Variants in CASK observed in about 807,000 individuals in gnomAD.
CASK encodes the protein calcium/calmodulin dependent serine protein kinase.
Under a neutral mutation model 82.9 loss-of-function variants are expected in CASK, and 4 were observed. That is an observed-to-expected ratio of 0.05 (90% CI 0.02 to 0.11). The LOEUF (loss-of-function observed/expected upper bound fraction) is 0.11. Among genes scored for constraint, CASK ranks in the 10% least tolerant of loss-of-function variants. The pLI is 1.00. For synonymous variants in CASK, 259 were observed against 253.5 expected (o/e 1.02, Z -0.20); for missense variants, 358 against 720.9 (o/e 0.50, Z 5.76).
chrX:41,696,816 C>G, intron 5 of CASK: 1 of 910,122 alleles, frequency 1.1e-6, no homozygotes, highest in Non-Finnish European at 1.5e-6. Context: ...AATGCAGCCT[C>G]TTAATTCTTT....
In CASK at chrX:41,923,098, G is replaced by A; in HGVS notation, c.-110C>T. 3 of 673,663 alleles carry A rather than the reference G, an allele frequency of 4.5e-6. No individual in the cohort carries two copies. Among genetic ancestry groups the A allele is most frequent in the Non-Finnish European group, 7.0e-6 (3 of 431,166 alleles). The allele number at this position is 673,663 out of a possible 1,213,427, so 55.5% of individuals were successfully genotyped here. A position where few individuals can be genotyped will look rare whatever the true frequency, so the allele number is the denominator to read the frequency against. On this transcript the variant is annotated 5_prime_UTR_variant, in exon 1 of 27. Coordinates refer to ENST00000378163, the MANE Select transcript of CASK (RefSeq NM_001367721.1). ...ATCGCCTCCTCCCCTCAGGACCCGCGAGCCCTCGGTGCCGAGGACGCTCGA... is the reference window on the plus strand; with the variant it reads ...ATCGCCTCCTCCCCTCAGGACCCGCAAGCCCTCGGTGCCGAGGACGCTCGA...
Position 41,518,411 on chromosome X carries a change from CTCTA to C in CASK, c.*2005_*2008del, listed in dbSNP as rs1335152701. 9.1e-6 allele frequency: 1 copy of C among 110,156 alleles called. No homozygotes were observed. The highest frequency in any genetic ancestry group is 1.9e-5 in the Non-Finnish European group (1 of 52,964). 9.1% of individuals were successfully genotyped at this position (110,156 alleles called of 1,213,427 possible). A position where few individuals can be genotyped will look rare whatever the true frequency, so the allele number is the denominator to read the frequency against. On this transcript the variant is annotated 3_prime_UTR_variant, in exon 27 of 27. Transcript: ENST00000378163. Reference sequence around the variant, plus strand: ...TACCCAACTCTTTGAAGGTTTCTCTCTCTATCTAGTGTGAGACCACTGTTGAGCT... The same window carrying C: ...TACCCAACTCTTTGAAGGTTTCTCTCTCTAGTGTGAGACCACTGTTGAGCT...
At chrX:41,558,950 C>A (rs2065192073) in intron 18 of CASK, 1 of 111,761 alleles carries the variant, frequency 8.9e-6, no homozygotes, top group African/African-American at 3.2e-5. Context: ...GAAGTGTGTA[C>A]TTCATATTGA....
chrX:41,904,207 C>A (rs1327159579), intron 1 of CASK, among the ~76,000 whole-genome samples: 1 of 111,938 alleles, frequency 8.9e-6, no homozygotes, highest in Non-Finnish European at 1.9e-5. Flanking sequence ...CATGTTGCAC[C>A]ATGTATCTGT....
At chrX:41,654,277 T>A (rs759061666) in intron 8 of CASK, among the ~76,000 whole-genome samples, 1 of 110,814 alleles carries the variant, frequency 9.0e-6, no homozygotes, top group Non-Finnish European at 1.9e-5. Flanking sequence ...ATAAGGTGAA[T>A]GAAGAAAACA....
intron 5 of CASK, chrX:41,729,781 A>AAAT (rs2068351382): frequency 7.9e-5 from 3 of 38,007 alleles, no homozygotes; most frequent in Admixed American, 8.7e-4. Flanking sequence ...AAAAAAAAAA[A>AAAT]ATATATATAT....
chrX:41,529,268 T>C (rs1032025586), intron 25 of CASK, among the ~76,000 whole-genome samples: 10 of 111,436 alleles, frequency 9.0e-5, no homozygotes, highest in Non-Finnish European at 1.7e-4. Context: ...TAAAAGTAAC[T>C]GCTGTGGGTG....
chrX:41,556,691 T>C (rs1189068992), intron 19 of CASK, among the ~76,000 whole-genome samples: 1 of 112,567 alleles, frequency 8.9e-6, no homozygotes, highest in African/African-American at 3.2e-5. Context: ...TTTATCTTTT[T>C]CAAATTAAAA....
At chrX:41,801,000 A>G (rs1272966937) in intron 2 of CASK, among the ~76,000 whole-genome samples, 1 of 111,873 alleles carries the variant, frequency 8.9e-6, no homozygotes, top group Admixed American at 9.5e-5. Context: ...CTAGTCCAGC[A>G]AGTAACTAAA....
chrX:41,682,160 G>A (rs1454036321), intron 5 of CASK, among the ~76,000 whole-genome samples: 3 of 108,711 alleles, frequency 2.8e-5, no homozygotes, highest in African/African-American at 1.0e-4. Context: ...ACCTTTTTAA[G>A]TAGTATTGAA....
chrX:41,571,623 T>C (rs2065414070), intron 15 of CASK, among the ~76,000 whole-genome samples: 1 of 112,101 alleles, frequency 8.9e-6, no homozygotes, highest in South Asian at 3.6e-4. Flanking sequence ...TGATACTCTA[T>C]TGCTTTCTGC....
intron 12 of CASK, among the ~76,000 whole-genome samples, chrX:41,594,752 G>A (rs776424415): frequency 3.6e-5 from 4 of 111,802 alleles, no homozygotes; most frequent in Non-Finnish European, 7.5e-5. Flanking sequence ...GAAGTAAAAA[G>A]CTATGTGGTA....
In CASK at chrX:41,534,720, G is replaced by A. The variant is rs2147095720; in HGVS notation, c.2303C>T (p.Ala768Val). ...ACATTGCTTACGTGGAATAGGGTAC[G>A]CAAACCGGTCTGGGTGCTTTGTGAT... ...TLITKHPDRF[A>V]YPIPHTTRPP... Residue 768 changes from alanine (A) to valine (V), a missense_variant, in exon 24 of 27, where the codon GCG (alanine) becomes GTG (valine). Around this residue, in one of 5 missense-constraint regions of CASK, gnomAD observed 118 missense variants for 169.4 expected, o/e 0.70. Transcript: ENST00000378163. 1.7e-6 allele frequency: 2 copies of A among 1,203,788 alleles called. No homozygotes were observed. The highest frequency in any genetic ancestry group is 2.2e-5 in the Admixed American group (1 of 45,997).
At chrX:41,889,365 C>T (rs1436697540) in intron 1 of CASK, among the ~76,000 whole-genome samples, 1 of 109,273 alleles carries the variant, frequency 9.2e-6, no homozygotes, top group African/African-American at 3.3e-5. Flanking sequence ...GGTGGTATTG[C>T]ATTGTGGTTT....
At chrX:41,727,670 T>C (rs2068287713) in intron 5 of CASK, 1 of 1,202,759 alleles carries the variant, frequency 8.3e-7, no homozygotes, top group Non-Finnish European at 1.1e-6. Context: ...TTTTCCTTTT[T>C]AGTAGTACTA....
At chrX:41,541,393 C>G (rs766844558) in intron 22 of CASK, among the ~76,000 whole-genome samples, 2 of 111,947 alleles carry the variant, frequency 1.8e-5, no homozygotes, top group Non-Finnish European at 1.9e-5. Flanking sequence ...TATACTTGAG[C>G]ATTTGCTTAA....
intron 11 of CASK, among the ~76,000 whole-genome samples, chrX:41,621,085 A>G (rs2066281350): frequency 9.0e-6 from 1 of 110,659 alleles, no homozygotes; most frequent in African/African-American, 3.3e-5. Flanking sequence ...TACATCCAAG[A>G]TGCCCATTCT....
At position 41,920,630 on chromosome X, in the gene CASK, G is replaced by A. The variant is rs1438572157; in HGVS notation, c.59+2300C>T. On this transcript the variant is annotated intron_variant, in intron 1 of 26. Coordinates refer to ENST00000378163, the MANE Select transcript of CASK (RefSeq NM_001367721.1). ...CCCCTCTTTATGCAGCTCTGAAACAGTCAGAAAAGATGAATTTTTTTCTCC... is the reference window on the plus strand; with the variant it reads ...CCCCTCTTTATGCAGCTCTGAAACAATCAGAAAAGATGAATTTTTTTCTCC... Among the ~76,000 whole-genome samples the A allele has an allele frequency of 5.4e-5, 6 of 111,445 alleles. No individual in the cohort carries two copies. The East Asian group carries it at 1.7e-3, about 31-fold the overall frequency.
At chrX:41,907,919 T>A (rs1471640240) in intron 1 of CASK, among the ~76,000 whole-genome samples, 2 of 111,837 alleles carry the variant, frequency 1.8e-5, no homozygotes, top group Non-Finnish European at 3.8e-5. Flanking sequence ...CCCGCGCATG[T>A]GCAGTTCACA....
Sources: gnomAD v4.1 joint callset for allele counts (sites outside exome capture counted in the v4.1 genomes callset) on GRCh38, gnomAD v4.1.1 for gene constraint, gnomAD v4.1.1 regional missense constraint, MANE v1.5 for transcripts, NCBI Gene and HGNC (gene_info 2026-07-23, HGNC 2026-07-21) for gene names.